Variants in EBF2 observed in about 807,000 individuals in gnomAD.
The protein encoded by EBF2 is transcription factor COE2.
EBF2 carries 21 observed loss-of-function variants against 72.8 expected under a neutral mutation model. That is an observed-to-expected ratio of 0.29 (90% CI 0.20 to 0.42). The LOEUF (loss-of-function observed/expected upper bound fraction) is 0.42, where lower values mean the gene tolerates loss of function less well. Among genes scored for constraint, EBF2 ranks in the 10% least tolerant of loss-of-function variants. The pLI is 1.00. For synonymous variants in EBF2, 299 were observed against 274.2 expected, an observed-to-expected ratio of 1.09 and a Z score of -0.89; for missense variants, 637 against 731.2, an observed-to-expected ratio of 0.87 and a Z score of 1.49.
intron 6 of EBF2, among the ~76,000 whole-genome samples, chr8:25,952,675 GCC>G (rs1311870874): frequency 1.3e-5 from 2 of 152,104 alleles, no homozygotes; most frequent in Non-Finnish European, 2.9e-5. Context: ...TCCCCAATCA[GCC>G]CTTCATCTAT....
intron 14 of EBF2, among the ~76,000 whole-genome samples, chr8:25,851,562 T>TTATC (rs1397216704): frequency 6.6e-6 from 1 of 151,938 alleles, no homozygotes; most frequent in African/African-American, 2.4e-5. Flanking sequence ...GATGATAATT[T>TTATC]TATCTTCTAT....
At chr8:26,000,636 C>T (rs1427335287) in intron 6 of EBF2, among the ~76,000 whole-genome samples, 1 of 152,112 alleles carries the variant, frequency 6.6e-6, no homozygotes, top group African/African-American at 2.4e-5. Flanking sequence ...GAATGTCACA[C>T]GAGGGAGCCA....
In EBF2 at chr8:25,994,708, G is replaced by A. The variant is rs1229712943; in HGVS notation, c.551+38377C>T. On this transcript the variant is annotated intron_variant, in intron 6 of 15. Transcript: ENST00000520164. ...AGGAGCAGAAAACCAAATGCTGCAT[G>A]TTCTCACTTATAAGTGGGAGCTAAA... Among the ~76,000 whole-genome samples, 119 of 152,308 alleles carry A rather than the reference G, an allele frequency of 7.8e-4. 2 individuals carry two copies. The highest frequency in any genetic ancestry group is 1.8e-4 in the Non-Finnish European group (12 of 68,030).
chr8:25,882,148 A>C (rs1248313492), intron 10 of EBF2, among the ~76,000 whole-genome samples: 3 of 152,112 alleles, frequency 2.0e-5, no homozygotes, highest in Non-Finnish European at 4.4e-5. Flanking sequence ...CCTGTAACAC[A>C]CACCCACTGG....
At chr8:25,857,643 A>G (rs1043610327) in intron 14 of EBF2, among the ~76,000 whole-genome samples, 1 of 152,154 alleles carries the variant, frequency 6.6e-6, no homozygotes, top group African/African-American at 2.4e-5. Context: ...AGCAACCCAA[A>G]TGGGGTTTTC....
Position 25,958,494 on chromosome 8 carries a change from T to A in EBF2, c.552-49939A>T, listed in dbSNP as rs149640159. On this transcript the variant is annotated intron_variant, in intron 6 of 15. Coordinates refer to ENST00000520164, the MANE Select transcript of EBF2 (RefSeq NM_022659.4). ...TCTCTCTTTTTTTGGCCAGAAACTT[T>A]ATACAACCTTATCACTGACACCTCT... Among the ~76,000 whole-genome samples the A allele has an allele frequency of 4.2e-3, 644 of 152,284 alleles. 6 individuals are homozygous for A. Among genetic ancestry groups the A allele is most frequent in the African/African-American group, 0.013 (539 of 41,554 alleles).
At chr8:25,903,362 G>A (rs1187568679) in intron 7 of EBF2, among the ~76,000 whole-genome samples, 1 of 152,130 alleles carries the variant, frequency 6.6e-6, no homozygotes, top group East Asian at 1.9e-4. Context: ...GGTAACTCTG[G>A]CATTCATGCT....
intron 6 of EBF2, among the ~76,000 whole-genome samples, chr8:25,938,588 G>A (rs2117153956): frequency 6.6e-6 from 1 of 152,216 alleles, no homozygotes; most frequent in Middle Eastern, 3.4e-3. Context: ...TTTTCTTTGT[G>A]CCTTAATGAA....
chr8:26,021,521 A>T (rs1352222004), intron 6 of EBF2, among the ~76,000 whole-genome samples: 2 of 152,204 alleles, frequency 1.3e-5, no homozygotes, highest in African/African-American at 4.8e-5. Flanking sequence ...CACATAAGAA[A>T]CCAGGATTCA....
At chr8:25,871,468 C>A (rs1802438902) in intron 10 of EBF2, among the ~76,000 whole-genome samples, 1 of 152,108 alleles carries the variant, frequency 6.6e-6, no homozygotes, top group African/African-American at 2.4e-5. Flanking sequence ...CTATGTCTTT[C>A]TTTAGTAATA....
intron 6 of EBF2, among the ~76,000 whole-genome samples, chr8:25,948,506 G>T (rs1423583385): frequency 1.3e-5 from 2 of 152,178 alleles, no homozygotes; most frequent in African/African-American, 2.4e-5. Context: ...ACTAGGAAAT[G>T]GAATTCCTGA....
intron 6 of EBF2, among the ~76,000 whole-genome samples, chr8:25,922,327 C>A (rs946329414): frequency 6.6e-6 from 1 of 151,908 alleles, no homozygotes; most frequent in Non-Finnish European, 1.5e-5. Context: ...TATAAATCTG[C>A]ATAATTTCTA....
At chr8:25,905,768 T>C (rs1454068920) in intron 7 of EBF2, among the ~76,000 whole-genome samples, 1 of 152,168 alleles carries the variant, frequency 6.6e-6, no homozygotes, top group African/African-American at 2.4e-5. Context: ...GTACAACACT[T>C]TGAATGTACT....
rs61438717 is a variant in EBF2, at chr8:25,958,401, A to AT, written c.552-49847dup. Among the ~76,000 whole-genome samples, 168 of 150,256 alleles carry AT rather than the reference A, an allele frequency of 1.1e-3. No homozygotes were observed. In the Middle Eastern group the frequency reaches 0.014, roughly 13 times the overall value. On this transcript the variant is annotated intron_variant, in intron 6 of 15. Transcript: ENST00000520164. Reference sequence around the variant, plus strand: ...CTCCACTCATTATGATTTCCCCGGCATTTTTTTTTTTCTTCCTGCCCCTTT... The same window carrying AT: ...CTCCACTCATTATGATTTCCCCGGCATTTTTTTTTTTTCTTCCTGCCCCTTT...
chr8:26,040,686 G>T lies in EBF2; in HGVS notation c.353-15C>A. On this transcript the variant is annotated splice_polypyrimidine_tract_variant and intron_variant, in intron 3 of 15. Coordinates refer to ENST00000520164, the MANE Select transcript of EBF2 (RefSeq NM_022659.4). ...CGTGCGGACACCTGCGGGGACCGGA[G>T]GGGCACGAGTCAAGGGCCGTAGAGC... 6.4e-7 allele frequency: 1 copy of T among 1,554,066 alleles called. No homozygotes were observed. Among genetic ancestry groups the T allele is most frequent in the Non-Finnish European group, 8.7e-7 (1 of 1,148,252 alleles).
Position 25,942,632 on chromosome 8 carries a change from C to A in EBF2, c.552-34077G>T, listed in dbSNP as rs185970053. On this transcript the variant is annotated intron_variant, in intron 6 of 15. Coordinates refer to ENST00000520164, the MANE Select transcript of EBF2 (RefSeq NM_022659.4). Reference sequence around the variant, plus strand: ...GACATATATGGCAAAGTCATTCTGGCAACAAAAACTGAAAGGCTTGTCTAA... The same window carrying A: ...GACATATATGGCAAAGTCATTCTGGAAACAAAAACTGAAAGGCTTGTCTAA... Among the ~76,000 whole-genome samples, 151 of 152,296 alleles carry A rather than the reference C, an allele frequency of 9.9e-4. 1 individual carries two copies. The highest frequency in any genetic ancestry group is 3.4e-3 in the African/African-American group (143 of 41,560).
chr8:25,851,157 C>T (rs892759950), intron 14 of EBF2, among the ~76,000 whole-genome samples: 5 of 151,764 alleles, frequency 3.3e-5, no homozygotes, highest in Admixed American at 6.6e-5. Context: ...CAATGGAAAT[C>T]GCTTTCACAC....
intron 6 of EBF2, among the ~76,000 whole-genome samples, chr8:25,943,311 C>CAAAAGAAAAAAAAAA (rs1803710087): frequency 3.4e-5 from 2 of 59,082 alleles, no homozygotes; most frequent in African/African-American, 4.5e-5. Flanking sequence ...TGTCTCTACA[C>CAAAAGAAAAAAAAAA]AAAAAAAAAA....
intron 6 of EBF2, among the ~76,000 whole-genome samples, chr8:26,026,630 A>G (rs1805306430): frequency 6.6e-6 from 1 of 152,118 alleles, no homozygotes; most frequent in Non-Finnish European, 1.5e-5. Context: ...GACTCACACA[A>G]TCTCAAGTTA....
Sources: allele counts gnomAD v4.1 joint callset (sites outside exome capture counted in the v4.1 genomes callset), GRCh38; gene constraint gnomAD v4.1.1; transcripts MANE v1.5; gene names NCBI Gene and HGNC (gene_info 2026-07-23, HGNC 2026-07-21).